Variants in MED13L observed in about 807,000 individuals in gnomAD.
MED13L encodes the protein mediator of RNA polymerase II transcription subunit 13-like.
A neutral mutation model predicts 220.9 loss-of-function variants in MED13L; 7 were observed. The observed-to-expected ratio is 0.03, with a 90% CI of 0.02 to 0.06. The LOEUF is 0.06. Ranked by LOEUF, MED13L falls within the 10% of genes least tolerant of loss-of-function variation. The probability of loss-of-function intolerance (pLI) is 1.00; values close to 1 mark genes in which losing one functional copy is unlikely to be tolerated. For missense variants in MED13L, 1,965 were observed against 2,760.5 expected, an observed-to-expected ratio of 0.71 and a Z score of 6.46; for synonymous variants, 1,011 against 1,015.2, an observed-to-expected ratio of 1.00 and a Z score of 0.08.
intron 4 of MED13L, among the ~76,000 whole-genome samples, chr12:116,031,752 A>AGGAAGG (rs1352617205): frequency 0.016 from 500 of 31,376 alleles, 26 homozygotes; most frequent in African/African-American, 0.035. Context: ...AAAGAAAAGA[A>AGGAAGG]AAGAAAAGAA....
intron 13 of MED13L, among the ~76,000 whole-genome samples, chr12:116,004,978 AC>A (rs1432535120): frequency 6.6e-6 from 1 of 152,190 alleles, no homozygotes; most frequent in Non-Finnish European, 1.5e-5. Flanking sequence ...GTACATTATA[AC>A]TTTATGTGCC....
chr12:116,029,957 T>TTTG (rs1566019394), intron 4 of MED13L, among the ~76,000 whole-genome samples: 40 of 151,746 alleles, frequency 2.6e-4, no homozygotes, highest in Non-Finnish European at 4.7e-4. Flanking sequence ...TTTTTGGGTT[T>TTTG]TTTGTTTGTT....
chr12:116,132,535 T>C (rs1170496726), intron 2 of MED13L, among the ~76,000 whole-genome samples: 1 of 152,202 alleles, frequency 6.6e-6, no homozygotes, highest in South Asian at 2.1e-4. Flanking sequence ...TATTTCCACA[T>C]GGAAATGTGA....
intron 2 of MED13L, among the ~76,000 whole-genome samples, chr12:116,193,295 A>C (rs1474010184): frequency 6.6e-6 from 1 of 152,196 alleles, no homozygotes; most frequent in Non-Finnish European, 1.5e-5. Flanking sequence ...TGGACAACAA[A>C]GCAAAATCCT....
chr12:116,003,669 ATTATCT>A (rs1878882731), intron 13 of MED13L, among the ~76,000 whole-genome samples: 1 of 152,192 alleles, frequency 6.6e-6, no homozygotes, highest in Non-Finnish European at 1.5e-5. Context: ...ACTGGGCAAG[ATTATCT>A]TTAACATTAA....
At chr12:116,224,231 GTTCATT>G (rs1868734418) in intron 2 of MED13L, among the ~76,000 whole-genome samples, 1 of 152,102 alleles carries the variant, frequency 6.6e-6, no homozygotes, top group East Asian at 1.9e-4. Context: ...AGGCCCAAAT[GTTCATT>G]TTCAATCAAT....
intron 14 of MED13L, among the ~76,000 whole-genome samples, chr12:116,000,687 TTAA>T (rs951020197): frequency 9.9e-5 from 15 of 152,196 alleles, no homozygotes; most frequent in East Asian, 1.9e-4. Flanking sequence ...AAGAAAGTGG[TTAA>T]TAATAAAACC....
chr12:116,247,065 G>A (rs1420027620), intron 1 of MED13L, among the ~76,000 whole-genome samples: 1 of 152,086 alleles, frequency 6.6e-6, no homozygotes, highest in Non-Finnish European at 1.5e-5. Flanking sequence ...AAGTAACTAT[G>A]ACCTCAGTAT....
At chr12:116,076,033 C>A (rs989448082) in intron 4 of MED13L, among the ~76,000 whole-genome samples, 4 of 151,572 alleles carry the variant, frequency 2.6e-5, no homozygotes, top group Admixed American at 1.3e-4. Flanking sequence ...CCTGCCTCAG[C>A]CTCCCGAGTA....
chr12:116,024,909 C>T (rs1399752645), intron 4 of MED13L, among the ~76,000 whole-genome samples: 1 of 151,830 alleles, frequency 6.6e-6, no homozygotes, highest in Non-Finnish European at 1.5e-5. Context: ...GTGCTCTTGG[C>T]ACCTTCTTTT....
chr12:115,999,413 C>T (rs1397103186), intron 14 of MED13L, among the ~76,000 whole-genome samples: 2 of 151,792 alleles, frequency 1.3e-5, no homozygotes, highest in African/African-American at 2.4e-5. Context: ...AGTTCATCTA[C>T]GCTTGAAATA....
At chr12:116,085,329 C>T (rs1871553803) in intron 4 of MED13L, among the ~76,000 whole-genome samples, 1 of 152,136 alleles carries the variant, frequency 6.6e-6, no homozygotes, top group Non-Finnish European at 1.5e-5. Context: ...TAATGAATAA[C>T]ACTGATAAAT....
intron 4 of MED13L, among the ~76,000 whole-genome samples, chr12:116,066,609 A>C (rs1217644585): frequency 6.6e-6 from 1 of 152,180 alleles, no homozygotes; most frequent in Non-Finnish European, 1.5e-5. Context: ...CTATACTGTT[A>C]AATTTTCCAA....
intron 25 of MED13L, chr12:115,972,575 TCTC>T: frequency 6.0e-6 from 2 of 335,878 alleles, no homozygotes; most frequent in Non-Finnish European, 1.2e-5. Context: ...CCCTATCCTT[TCTC>T]CTCCTTCTCA....
At chr12:116,187,218 A>C (rs980237446) in intron 2 of MED13L, among the ~76,000 whole-genome samples, 2 of 152,208 alleles carry the variant, frequency 1.3e-5, no homozygotes, top group Non-Finnish European at 2.9e-5. Flanking sequence ...ATAGTGGTTA[A>C]GACCAAGGAC....
chr12:116,230,346 G>A, intron 2 of MED13L: 1 of 342,340 alleles, frequency 2.9e-6, no homozygotes, highest in Non-Finnish European at 4.1e-6. Context: ...GCTGCCATGA[G>A]CCAAGATCAC....
At chr12:116,112,517 C>G (rs570971222) in intron 2 of MED13L, among the ~76,000 whole-genome samples, 86 of 152,266 alleles carry the variant, frequency 5.6e-4, no homozygotes, top group African/African-American at 2.0e-3. Context: ...GGCCTTTTAT[C>G]TTCTATTAGA....
At chr12:116,183,205 G>T (rs1790212685) in intron 2 of MED13L, among the ~76,000 whole-genome samples, 1 of 152,142 alleles carries the variant, frequency 6.6e-6, no homozygotes, top group South Asian at 2.1e-4. Flanking sequence ...AAAATACTGG[G>T]AAATAAATTC....
chr12:115,972,442 T>C (rs1217994517), intron 25 of MED13L: 4 of 600,938 alleles, frequency 6.7e-6, no homozygotes, highest in Non-Finnish European at 1.2e-5. Context: ...AAAGGCCTAC[T>C]ATTCTGTGGC....
Sources: allele counts gnomAD v4.1 joint callset (sites outside exome capture counted in the v4.1 genomes callset), GRCh38; gene constraint gnomAD v4.1.1; transcripts MANE v1.5; gene names NCBI Gene and HGNC (gene_info 2026-07-23, HGNC 2026-07-21).